Variants in TBC1D22A observed in about 807,000 individuals in gnomAD.
TBC1D22A encodes the protein putative GTPase activator.
Under a neutral mutation model 60.2 loss-of-function variants are expected in TBC1D22A, and 38 were observed. The observed-to-expected ratio is 0.63, with a 90% CI of 0.49 to 0.83. The LOEUF is 0.83. TBC1D22A is among the 40% of genes least tolerant of loss of function. The probability of loss-of-function intolerance (pLI) is 0.00; values close to 1 mark genes in which losing one functional copy is unlikely to be tolerated. For missense variants in TBC1D22A, 628 were observed against 701.0 expected, an observed-to-expected ratio of 0.90 and a Z score of 1.18; for synonymous variants, 302 against 281.7, an observed-to-expected ratio of 1.07 and a Z score of -0.72.
At chr22:47,144,137 T>G (rs2067208038) in intron 12 of TBC1D22A, among the ~76,000 whole-genome samples, 1 of 151,930 alleles carries the variant, frequency 6.6e-6, no homozygotes, top group African/African-American at 2.4e-5. Context: ...GGAAAGGGTG[T>G]CCCAAAATAT....
intron 8 of TBC1D22A, among the ~76,000 whole-genome samples, chr22:46,916,934 C>G (rs992267484): frequency 1.3e-5 from 2 of 152,154 alleles, no homozygotes; most frequent in Non-Finnish European, 2.9e-5. Flanking sequence ...TCATAAATTT[C>G]AGAGGTTGAA....
At chr22:47,041,422 C>T (rs1013144571) in intron 11 of TBC1D22A, among the ~76,000 whole-genome samples, 5 of 152,188 alleles carry the variant, frequency 3.3e-5, no homozygotes, top group Non-Finnish European at 5.9e-5. Context: ...CTGCTGAGGG[C>T]GCGTCCTCCC....
At chr22:46,876,909 C>G (rs2067594538) in intron 4 of TBC1D22A, among the ~76,000 whole-genome samples, 1 of 152,230 alleles carries the variant, frequency 6.6e-6, no homozygotes, top group Non-Finnish European at 1.5e-5. Flanking sequence ...CCCTGTCGAC[C>G]CCATTCAGCA....
intron 12 of TBC1D22A, among the ~76,000 whole-genome samples, chr22:47,145,433 T>G (rs1056063684): frequency 6.6e-6 from 1 of 152,222 alleles, no homozygotes; most frequent in African/African-American, 2.4e-5. Flanking sequence ...CTCTTAGGAC[T>G]GTCATCACAG....
chr22:47,146,862 C>G (rs2067303447), intron 12 of TBC1D22A, among the ~76,000 whole-genome samples: 1 of 152,220 alleles, frequency 6.6e-6, no homozygotes, highest in South Asian at 2.1e-4. Flanking sequence ...GGTCAAGAGG[C>G]TAGGAGAGGG....
intron 4 of TBC1D22A, among the ~76,000 whole-genome samples, chr22:46,856,825 A>G (rs2087595441): frequency 6.6e-6 from 1 of 152,254 alleles, no homozygotes; most frequent in African/African-American, 2.4e-5. Flanking sequence ...TTTTTGATGT[A>G]TAAATAATGC....
chr22:46,944,721 A>C (rs2072421849), intron 8 of TBC1D22A, among the ~76,000 whole-genome samples: 1 of 152,202 alleles, frequency 6.6e-6, no homozygotes, highest in Non-Finnish European at 1.5e-5. Flanking sequence ...TTAAAAAATA[A>C]AACTTTTCAT....
intron 9 of TBC1D22A, among the ~76,000 whole-genome samples, chr22:46,989,789 T>A (rs1280078600): frequency 9.3e-6 from 1 of 107,950 alleles, no homozygotes; most frequent in Non-Finnish European, 1.9e-5. Context: ...ACACACACAA[T>A]AAATAAATAT....
At chr22:46,965,886 A>G (rs2073777565) in intron 8 of TBC1D22A, among the ~76,000 whole-genome samples, 1 of 152,118 alleles carries the variant, frequency 6.6e-6, no homozygotes, top group Non-Finnish European at 1.5e-5. Context: ...CCCAGGTGGC[A>G]GCATCTCCAC....
chr22:46,993,937 C>G (rs751552381), intron 9 of TBC1D22A, among the ~76,000 whole-genome samples: 68 of 152,232 alleles, frequency 4.5e-4, no homozygotes, highest in Non-Finnish European at 7.8e-4. Context: ...CTTGGCGCCT[C>G]GCCCTCGGGG....
At chr22:47,069,361 C>G (rs1191045869) in intron 11 of TBC1D22A, among the ~76,000 whole-genome samples, 1 of 152,146 alleles carries the variant, frequency 6.6e-6, no homozygotes, top group Non-Finnish European at 1.5e-5. Context: ...CGTCGTACCT[C>G]CCAGAGTTCA....
chr22:46,841,047 G>GGTGT (rs56029066), intron 4 of TBC1D22A, among the ~76,000 whole-genome samples: 2,866 of 147,514 alleles, frequency 0.019, 43 homozygotes, highest in African/African-American at 0.044. Flanking sequence ...AATGAAAATG[G>GGTGT]GTGTGTGTGT....
intron 11 of TBC1D22A, among the ~76,000 whole-genome samples, chr22:47,105,208 A>T (rs1195997009): frequency 1.3e-5 from 2 of 152,156 alleles, no homozygotes; most frequent in Non-Finnish European, 2.9e-5. Flanking sequence ...CAGTAGCAAC[A>T]TATTTAAGAT....
intron 9 of TBC1D22A, among the ~76,000 whole-genome samples, chr22:46,989,338 C>T (rs1051189623): frequency 6.6e-6 from 1 of 151,614 alleles, no homozygotes; most frequent in Non-Finnish European, 1.5e-5. Flanking sequence ...GCATTCACAA[C>T]CTGGCTGTTT....
chr22:46,824,254 G>A (rs1017542297), intron 4 of TBC1D22A, among the ~76,000 whole-genome samples: 1 of 152,140 alleles, frequency 6.6e-6, no homozygotes, highest in Non-Finnish European at 1.5e-5. Context: ...GTGTTGGACG[G>A]TGCAGGGGTG....
intron 12 of TBC1D22A, among the ~76,000 whole-genome samples, chr22:47,136,138 G>T (rs73170456): frequency 0.041 from 6,199 of 152,328 alleles, 174 homozygotes; most frequent in Non-Finnish European, 0.064. Flanking sequence ...ATACTCGGGG[G>T]CCAAGGCCCA....
At chr22:46,936,092 C>T (rs1168692337) in intron 8 of TBC1D22A, among the ~76,000 whole-genome samples, 1 of 152,256 alleles carries the variant, frequency 6.6e-6, no homozygotes, top group Non-Finnish European at 1.5e-5. Flanking sequence ...CAGCACTGTT[C>T]CACCTTAGTG....
At chr22:47,090,724 G>T in intron 11 of TBC1D22A, among the ~76,000 whole-genome samples, 1 of 151,924 alleles carries the variant, frequency 6.6e-6, no homozygotes, top group African/African-American at 2.4e-5. Flanking sequence ...CATCTTTGGG[G>T]GAGTGGCCTC....
At chr22:46,917,892 C>T (rs529283289) in intron 8 of TBC1D22A, among the ~76,000 whole-genome samples, 163 of 152,246 alleles carry the variant, frequency 1.1e-3, no homozygotes, top group Middle Eastern at 0.01. Context: ...GGAGTCTGGG[C>T]GTTGAGAGTC....
Sources: gnomAD v4.1 joint callset for allele counts (sites outside exome capture counted in the v4.1 genomes callset) on GRCh38, gnomAD v4.1.1 for gene constraint, MANE v1.5 for transcripts, NCBI Gene and HGNC (gene_info 2026-07-23, HGNC 2026-07-21) for gene names.